Variants in SV2B observed in about 807,000 individuals in gnomAD.
SV2B encodes solute carrier family 22 member B2.
In SV2B, 41 loss-of-function variants were observed where a neutral mutation model predicts 73.9. The ratio of observed to expected loss-of-function variants is 0.56; its 90% confidence interval spans 0.43 to 0.72. The LOEUF is 0.72. Ranked by LOEUF, SV2B falls within the 30% of genes least tolerant of loss-of-function variation. The pLI, the probability that SV2B is intolerant of heterozygous loss-of-function variation, is 0.00. For missense variants in SV2B, 764 were observed against 857.8 expected, an observed-to-expected ratio of 0.89 and a Z score of 1.37; for synonymous variants, 314 against 314.2, an observed-to-expected ratio of 1.00 and a Z score of 0.01.
At chr15:91,199,871 A>G (rs16945341) in intron 1 of SV2B, among the ~76,000 whole-genome samples, 1,628 of 152,284 alleles carry the variant, frequency 0.011, 29 homozygotes, top group African/African-American at 0.037. Flanking sequence ...CAGCGTGGCC[A>G]CCTGGCTAGT....
intron 9 of SV2B, among the ~76,000 whole-genome samples, chr15:91,274,967 C>T (rs113095156): frequency 8.4e-4 from 128 of 152,168 alleles, no homozygotes; most frequent in African/African-American, 3.0e-3. Context: ...TCTTTCTGAT[C>T]AGTGTTTGTA....
chr15:91,180,988 T>C (rs966331327), intron 1 of SV2B, among the ~76,000 whole-genome samples: 1 of 152,178 alleles, frequency 6.6e-6, no homozygotes, highest in African/African-American at 2.4e-5. Context: ...AGAGTTTCCA[T>C]TTTTTCTGCT....
At chr15:91,119,458 C>T (rs1046125611) in intron 1 of SV2B, among the ~76,000 whole-genome samples, 1 of 152,150 alleles carries the variant, frequency 6.6e-6, no homozygotes, top group African/African-American at 2.4e-5. Context: ...ACCCAGAGTG[C>T]GACTCGTTTC....
intron 1 of SV2B, among the ~76,000 whole-genome samples, chr15:91,157,104 A>C (rs2043517389): frequency 6.6e-6 from 1 of 152,154 alleles, no homozygotes; most frequent in Non-Finnish European, 1.5e-5. Flanking sequence ...CAGGTTAAAG[A>C]GGGGGAAGCT....
chr15:91,200,200 A>C (rs778138539), intron 1 of SV2B, among the ~76,000 whole-genome samples: 1 of 152,128 alleles, frequency 6.6e-6, no homozygotes, highest in Non-Finnish European at 1.5e-5. Context: ...TTTAATTTTG[A>C]GTTTGGTCTT....
At chr15:91,183,775 C>A (rs1199188211) in intron 1 of SV2B, among the ~76,000 whole-genome samples, 3 of 152,198 alleles carry the variant, frequency 2.0e-5, no homozygotes, top group Non-Finnish European at 2.9e-5. Flanking sequence ...AGTAAACAAG[C>A]CAGATCCACA....
rs142291835 is a variant in SV2B at position 91,185,536 on chromosome 15, C to T, written c.-391-40337C>T. Among the ~76,000 whole-genome samples, 55 of 152,242 alleles carry T rather than the reference C, an allele frequency of 3.6e-4. 1 individual carries two copies. In the East Asian group the frequency reaches 9.8e-3, roughly 27 times the overall value. Reference sequence around the variant, plus strand: ...GCTATATTAGAAGATTGTATGTTTTCTTCATTAAAGCACATGGGGAGGAAT... The same window carrying T: ...GCTATATTAGAAGATTGTATGTTTTTTTCATTAAAGCACATGGGGAGGAAT... On this transcript the variant is annotated intron_variant, in intron 1 of 12. Coordinates refer to ENST00000394232, the MANE Select transcript of SV2B (RefSeq NM_001323032.3).
At chr15:91,191,263 ACTCC>A (rs2045017590) in intron 1 of SV2B, among the ~76,000 whole-genome samples, 1 of 143,138 alleles carries the variant, frequency 7.0e-6, no homozygotes, top group Non-Finnish European at 1.5e-5. Flanking sequence ...ATTGACAAAA[ACTCC>A]CTCTTTGATC....
At chr15:91,181,761 A>T (rs1040812806) in intron 1 of SV2B, among the ~76,000 whole-genome samples, 24 of 150,822 alleles carry the variant, frequency 1.6e-4, no homozygotes, top group African/African-American at 5.6e-4. Context: ...AGGTCGTCAC[A>T]TGTCACTTCT....
chr15:91,101,366 G>A, intron 1 of SV2B, among the ~76,000 whole-genome samples: 1 of 152,118 alleles, frequency 6.6e-6, no homozygotes, highest in Admixed American at 6.5e-5. Flanking sequence ...TGTTCTGCTT[G>A]TTCCAGTTGG....
rs897812987 is a variant in SV2B, at chr15:91,242,410, A to C, written c.452-9409A>C. Among the ~76,000 whole-genome samples the C allele has an allele frequency of 6.6e-6, 1 of 152,110 alleles. No individual in the cohort carries two copies. Among genetic ancestry groups the C allele is most frequent in the African/African-American group, 2.4e-5 (1 of 41,408 alleles). ...TTCTTACCACTTTCCTCTACCTACC[A>C]ACCTGGCCCAAGTCATCAGCGTCAT... On this transcript the variant is annotated intron_variant, in intron 2 of 12. Coordinates refer to ENST00000394232, the MANE Select transcript of SV2B (RefSeq NM_001323032.3). This position sits in a 1 kb window ranked among gnomAD's most constrained non-coding sequence, Gnocchi z 4.9.
At chr15:91,173,090 TGAG>T (rs1453251795) in intron 1 of SV2B, among the ~76,000 whole-genome samples, 2 of 152,110 alleles carry the variant, frequency 1.3e-5, no homozygotes, top group Non-Finnish European at 2.9e-5. Context: ...GTTGGTGCGA[TGAG>T]GAGTGGGCCT....
At position 91,300,796 on chromosome 15, in the gene SV2B, G is replaced by A. The variant is rs543120639; in HGVS notation, c.*8244G>A. ...ATGTCCGCTACAACACCACGCTCCC[G>A]GAATGGTGGTTCCTAAGAGCAAAGT... is the stretch of plus-strand genomic sequence containing the variant. On this transcript the variant is annotated 3_prime_UTR_variant, in exon 13 of 13. Coordinates refer to ENST00000394232, the MANE Select transcript of SV2B (RefSeq NM_001323032.3). 2.8e-4 allele frequency: 43 copies of A among 152,310 alleles called. No homozygotes were observed. Among genetic ancestry groups the A allele is most frequent in the African/African-American group, 9.6e-4 (40 of 41,548 alleles). The allele number at this position is 152,310 out of a possible 1,614,324, so 9.4% of individuals were successfully genotyped here. A position where few individuals can be genotyped will look rare whatever the true frequency, so the allele number is the denominator to read the frequency against.
intron 6 of SV2B, among the ~76,000 whole-genome samples, chr15:91,263,567 C>T (rs1567408863): frequency 6.6e-6 from 1 of 151,506 alleles, no homozygotes; most frequent in South Asian, 2.1e-4. Context: ...CACAGAGACA[C>T]ACACAGACAC....
chr15:91,297,269 A>T lies in SV2B; in HGVS notation c.*4717A>T, dbSNP rs919978746. 3 of 152,362 alleles carry T rather than the reference A, an allele frequency of 2.0e-5. No homozygotes were observed. The highest frequency in any genetic ancestry group is 4.4e-5 in the Non-Finnish European group (3 of 68,142). The allele number at this position is 152,362 out of a possible 1,614,324, so 9.4% of individuals were successfully genotyped here. On this transcript the variant is annotated 3_prime_UTR_variant, in exon 13 of 13. Coordinates refer to ENST00000394232, the MANE Select transcript of SV2B (RefSeq NM_001323032.3). The surrounding 1 kb of genome is among the most constrained non-coding windows in gnomAD (Gnocchi z 5.1). ...CAGGCAGGAAGCAGAAGGAAGGGCA[A>T]TGGGCAAAGGGGCTGTGCCTTGCAG...
At chr15:91,178,859 AT>A (rs1276410876) in intron 1 of SV2B, among the ~76,000 whole-genome samples, 14 of 145,300 alleles carry the variant, frequency 9.6e-5, no homozygotes, top group Non-Finnish European at 2.0e-4. Context: ...GGATTCATTA[AT>A]TTTTTGAAGG....
intron 1 of SV2B, among the ~76,000 whole-genome samples, chr15:91,205,318 A>G (rs1034954913): frequency 6.6e-6 from 1 of 152,138 alleles, no homozygotes; most frequent in African/African-American, 2.4e-5. Context: ...GTGGGGAAAA[A>G]TGAGGACCAT....
At chr15:91,260,449 C>T (rs754680511) in intron 6 of SV2B, 40 bp downstream of exon 6, 3 of 1,486,488 alleles carry the variant, frequency 2.0e-6, no homozygotes, top group Non-Finnish European at 2.7e-6. Flanking sequence ...GGGGGTTCTC[C>T]TCTTCACTGC....
At position 91,290,610 on chromosome 15, in the gene SV2B, G is replaced by T. The variant is rs2049009125; in HGVS notation, c.1868+930G>T. On this transcript the variant is annotated intron_variant, in intron 12 of 12. Coordinates refer to ENST00000394232, the MANE Select transcript of SV2B (RefSeq NM_001323032.3). This position sits in a 1 kb window ranked among gnomAD's most constrained non-coding sequence, Gnocchi z 4.7. ...TTTAAAATATATCGAAAAAGTTAAA[G>T]ATGCAATTGATATCCATTTAATAAT... Among the ~76,000 whole-genome samples the T allele has an allele frequency of 1.3e-5, 2 of 152,142 alleles. No homozygotes were observed. Among genetic ancestry groups the T allele is most frequent in the Non-Finnish European group, 2.9e-5 (2 of 67,992 alleles).
Sources: allele counts gnomAD v4.1 joint callset (sites outside exome capture counted in the v4.1 genomes callset), GRCh38; gene constraint gnomAD v4.1.1; non-coding constraint Gnocchi (gnomAD v3.1); transcripts MANE v1.5; gene names NCBI Gene and HGNC (gene_info 2026-07-23, HGNC 2026-07-21).